Variants in RAB27B observed in about 807,000 individuals in gnomAD.
The protein encoded by RAB27B is RAB27B, member RAS oncogene family.
A neutral mutation model predicts 24.6 loss-of-function variants in RAB27B; 15 were observed. That is an observed-to-expected ratio of 0.61 (90% CI 0.41 to 0.94). The LOEUF is 0.94. Ranked by LOEUF, RAB27B falls within the 40% of genes least tolerant of loss-of-function variation. The probability of loss-of-function intolerance (pLI) is 0.00; values close to 1 mark genes in which losing one functional copy is unlikely to be tolerated. For synonymous variants in RAB27B, 105 were observed against 92.5 expected (o/e 1.14, Z -0.78); for missense variants, 261 against 266.8 (o/e 0.98, Z 0.15).
At chr18:54,721,754 A>T (rs530348556) in intron 2 of RAB27B, among the ~76,000 whole-genome samples, 1 of 152,338 alleles carries the variant, frequency 6.6e-6, no homozygotes, top group East Asian at 1.9e-4. Context: ...AATATATCTG[A>T]TGAGTGCTAA....
chr18:54,872,634 A>AG (rs1188353933), intron 1 of RAB27B, among the ~76,000 whole-genome samples: 1 of 151,682 alleles, frequency 6.6e-6, no homozygotes, highest in African/African-American at 2.4e-5. Flanking sequence ...TTAAAAAAAA[A>AG]AAAAAAGAAA....
intron 2 of RAB27B, among the ~76,000 whole-genome samples, chr18:54,727,075 C>T (rs897598453): frequency 6.6e-6 from 1 of 152,176 alleles, no homozygotes; most frequent in Admixed American, 6.6e-5. Context: ...CTCCGCCTCC[C>T]GGGTTTAAGC....
chr18:54,824,824 A>T (rs1568081931), upstream of RAB27B, among the ~76,000 whole-genome samples: 1 of 145,434 alleles, frequency 6.9e-6, no homozygotes, highest in East Asian at 2.0e-4. Context: ...TTTTCTTTCC[A>T]TTTTTTTTTT....
At chr18:54,866,468 C>CTGTA (rs1412673763) in intron 1 of RAB27B, among the ~76,000 whole-genome samples, 1 of 152,158 alleles carries the variant, frequency 6.6e-6, no homozygotes, top group Admixed American at 6.5e-5. Context: ...GCTAATTTTT[C>CTGTA]TGTATTTCCA....
At chr18:54,850,359 T>TATATAC (rs1491518141) in intron 1 of RAB27B, among the ~76,000 whole-genome samples, 2 of 126,846 alleles carry the variant, frequency 1.6e-5, no homozygotes, top group African/African-American at 3.1e-5. Context: ...TATATATATA[T>TATATAC]ACATACATAC....
At chr18:54,783,842 C>T (rs73960634) in intron 2 of RAB27B, among the ~76,000 whole-genome samples, 6,546 of 152,298 alleles carry the variant, frequency 0.043, 203 homozygotes, top group Admixed American at 0.082. Flanking sequence ...AGTTTACAGT[C>T]ACTCCTCAAG....
intron 2 of RAB27B, among the ~76,000 whole-genome samples, chr18:54,751,616 A>G (rs1019424944): frequency 1.3e-5 from 2 of 152,226 alleles, no homozygotes; most frequent in African/African-American, 4.8e-5. Flanking sequence ...ATGCCCCTAC[A>G]AAACTCAGAA....
chr18:54,763,641 A>T (rs1396587800), intron 2 of RAB27B, among the ~76,000 whole-genome samples: 18 of 152,194 alleles, frequency 1.2e-4, no homozygotes, highest in Non-Finnish European at 1.9e-4. Context: ...GGATTCCTCT[A>T]GTTCTGTTCG....
Position 54,794,539 on chromosome 18 carries a change from G to C in RAB27B, c.-20+76398G>C, listed in dbSNP as rs534472861. 4.6e-5 allele frequency among the ~76,000 whole-genome samples: 7 copies of C among 152,306 alleles called. 1 individual carries two copies. Among genetic ancestry groups the C allele is most frequent in the African/African-American group, 1.4e-4 (6 of 41,564 alleles). On this transcript the variant is annotated intron_variant, in intron 2 of 4. Transcript: ENST00000586570. ...TTACATGTAGGATGATTCTCTGTCT[G>C]AGGATATTAAAATGGTTTTGACAGA...
rs545842701 is a variant in RAB27B at position 54,873,069 on chromosome 18, C to G, written c.-19-4498C>G. On this transcript the variant is annotated intron_variant, in intron 1 of 5. Coordinates refer to ENST00000262094, the MANE Select transcript of RAB27B (RefSeq NM_004163.4). ...TTCTGCATATATCCAGGATAAAATTCCCTTTCCATATAAAATAAAAATATT... is the reference window on the plus strand; with the variant it reads ...TTCTGCATATATCCAGGATAAAATTGCCTTTCCATATAAAATAAAAATATT... 7.2e-5 allele frequency among the ~76,000 whole-genome samples: 11 copies of G among 151,994 alleles called. 1 individual carries two copies. In the South Asian group the frequency reaches 2.3e-3, roughly 32 times the overall value.
chr18:54,887,168 A>T (rs981744941), intron 4 of RAB27B, among the ~76,000 whole-genome samples: 1 of 151,142 alleles, frequency 6.6e-6, no homozygotes, highest in African/African-American at 2.4e-5. Flanking sequence ...TTCTACATGA[A>T]TTTGTAGTGA....
intron 2 of RAB27B, among the ~76,000 whole-genome samples, chr18:54,813,568 C>G (rs566866027): frequency 6.6e-6 from 1 of 152,172 alleles, no homozygotes; most frequent in Non-Finnish European, 1.5e-5. Context: ...CATGTGATAC[C>G]CTGGCTCCTG....
At chr18:54,836,494 TAAAATC>T (rs1910898999) in intron 1 of RAB27B, among the ~76,000 whole-genome samples, 1 of 151,934 alleles carries the variant, frequency 6.6e-6, no homozygotes, top group Non-Finnish European at 1.5e-5. Context: ...GGTTGATTCT[TAAAATC>T]AATATCGTAA....
chr18:54,722,276 A>C (rs1568041927), intron 2 of RAB27B, among the ~76,000 whole-genome samples: 1 of 152,200 alleles, frequency 6.6e-6, no homozygotes, highest in African/African-American at 2.4e-5. Flanking sequence ...CAACAGAAAA[A>C]GAAAGAATTG....
chr18:54,804,984 CT>C (rs11324250), intron 2 of RAB27B, among the ~76,000 whole-genome samples: 97,012 of 134,062 alleles, frequency 0.72, 35,187 homozygotes, highest in Middle Eastern at 0.84. Flanking sequence ...GCCTTCCTTC[CT>C]TTTTTTTTTT....
intron 2 of RAB27B, among the ~76,000 whole-genome samples, chr18:54,738,474 GTCTC>G (rs1909969562): frequency 6.6e-6 from 1 of 152,066 alleles, no homozygotes; most frequent in Non-Finnish European, 1.5e-5. Flanking sequence ...CTCTCTTGCT[GTCTC>G]TCTCACTTGC....
chr18:54,787,144 C>G (rs1909111914), intron 2 of RAB27B, among the ~76,000 whole-genome samples: 1 of 152,180 alleles, frequency 6.6e-6, no homozygotes, highest in African/African-American at 2.4e-5. Context: ...GTCCCCATAT[C>G]TTGGCTCAGT....
intron 1 of RAB27B, among the ~76,000 whole-genome samples, chr18:54,843,828 A>G (rs1911212705): frequency 6.6e-6 from 1 of 152,236 alleles, no homozygotes; most frequent in Non-Finnish European, 1.5e-5. Context: ...AAATTTGGCC[A>G]AATAACAAGA....
intron 1 of RAB27B, among the ~76,000 whole-genome samples, chr18:54,842,897 C>A (rs1911171764): frequency 6.6e-6 from 1 of 152,126 alleles, no homozygotes; most frequent in South Asian, 2.1e-4. Context: ...CGGGTTCATG[C>A]CATTCTCCCA....
Sources: allele counts gnomAD v4.1 joint callset (sites outside exome capture counted in the v4.1 genomes callset), GRCh38; gene constraint gnomAD v4.1.1; transcripts MANE v1.5; gene names NCBI Gene and HGNC (gene_info 2026-07-23, HGNC 2026-07-21).